The following CREB1 variants were observed in gnomAD, a reference collection of about 807,000 sequenced individuals.
CREB1 encodes cyclic AMP-responsive element-binding protein 1.
In CREB1, 2 loss-of-function variants were observed where a neutral mutation model predicts 42.0. That is an observed-to-expected ratio of 0.05 (90% CI 0.02 to 0.15). The LOEUF is 0.15. Ranked by LOEUF, CREB1 falls within the 10% of genes least tolerant of loss-of-function variation. The pLI, the probability that CREB1 is intolerant of heterozygous loss-of-function variation, is 1.00. For missense variants in CREB1, 199 were observed against 388.9 expected, an observed-to-expected ratio of 0.51 and a Z score of 4.11; for synonymous variants, 123 against 139.9, an observed-to-expected ratio of 0.88 and a Z score of 0.85.
intron 1 of CREB1, among the ~76,000 whole-genome samples, chr2:207,551,649 A>G (rs561541437): frequency 2.0e-5 from 3 of 152,294 alleles, no homozygotes; most frequent in East Asian, 3.9e-4. Context: ...ATGTATTAGT[A>G]TATAGTAAAA....
At chr2:207,569,049 A>G (rs1476222482) in intron 4 of CREB1, among the ~76,000 whole-genome samples, 1 of 151,876 alleles carries the variant, frequency 6.6e-6, no homozygotes, top group Non-Finnish European at 1.5e-5. Flanking sequence ...CTGTTTTCAT[A>G]TTTCCCTTTT....
intron 1 of CREB1, among the ~76,000 whole-genome samples, chr2:207,552,637 G>A (rs1315016331): frequency 8.0e-6 from 1 of 124,368 alleles, no homozygotes; most frequent in Non-Finnish European, 1.6e-5. Flanking sequence ...AGACAGTCTT[G>A]CTCTGTCACC....
intron 1 of CREB1, among the ~76,000 whole-genome samples, chr2:207,532,005 A>G (rs1013114266): frequency 2.0e-5 from 3 of 151,944 alleles, no homozygotes; most frequent in Non-Finnish European, 2.9e-5. Flanking sequence ...GTAGCTTACC[A>G]TTTTTCCTTT....
chr2:207,541,552 AC>A (rs1203718603), intron 1 of CREB1, among the ~76,000 whole-genome samples: 1 of 152,182 alleles, frequency 6.6e-6, no homozygotes, highest in East Asian at 1.9e-4. Context: ...AGTAGGCTAT[AC>A]CATCTAGGTT....
intron 5 of CREB1, among the ~76,000 whole-genome samples, chr2:207,572,421 T>C (rs1203847180): frequency 2.0e-5 from 3 of 152,156 alleles, no homozygotes; most frequent in African/African-American, 4.8e-5. Flanking sequence ...TCTTAACTTA[T>C]AAAATGAACA....
chr2:207,557,124 C>CCT (rs1421086782), intron 2 of CREB1, among the ~76,000 whole-genome samples: 12 of 151,512 alleles, frequency 7.9e-5, no homozygotes, highest in Non-Finnish European at 8.8e-5. Context: ...GGTGACAGAA[C>CCT]AAGATTCCCT....
chr2:207,594,764 A>G (rs1395687787), intron 7 of CREB1, among the ~76,000 whole-genome samples: 1 of 152,010 alleles, frequency 6.6e-6, no homozygotes, highest in Non-Finnish European at 1.5e-5. Flanking sequence ...CATATGGTAA[A>G]TTTTGTTCTT....
At chr2:207,538,702 T>C (rs1421425310) in intron 1 of CREB1, among the ~76,000 whole-genome samples, 2 of 152,200 alleles carry the variant, frequency 1.3e-5, no homozygotes, top group African/African-American at 2.4e-5. Flanking sequence ...TAAAATAGTT[T>C]AGGAGTAGAG....
chr2:207,538,335 G>T (rs756078586), intron 1 of CREB1, among the ~76,000 whole-genome samples: 4 of 152,110 alleles, frequency 2.6e-5, no homozygotes, highest in Admixed American at 6.5e-5. Context: ...TACATCTCCA[G>T]TGATGAAAAA....
At position 207,555,629 on chromosome 2, in the gene CREB1, T is replaced by C. The variant is rs772288583; in HGVS notation, c.-7T>C. 3 of 1,587,084 alleles carry C rather than the reference T, an allele frequency of 1.9e-6. No homozygotes were observed. Among genetic ancestry groups the C allele is most frequent in the African/African-American group, 2.7e-5 (2 of 74,184 alleles). On this transcript the variant is annotated splice_region_variant and 5_prime_UTR_variant, in exon 2 of 8. Coordinates refer to ENST00000353267, the MANE Select transcript of CREB1 (RefSeq NM_004379.5). ...TAACACTCTTCCATATTATTATAGG[T>C]AACTAAATGACCATGGAATCTGGAG...
intron 2 of CREB1, among the ~76,000 whole-genome samples, chr2:207,556,128 C>T (rs1012406191): frequency 1.3e-5 from 2 of 151,604 alleles, no homozygotes; most frequent in South Asian, 2.1e-4. Context: ...ATATGAAAGC[C>T]TAAGTTTATA....
chr2:207,535,845 A>G (rs1344403795), intron 1 of CREB1, among the ~76,000 whole-genome samples: 1 of 150,504 alleles, frequency 6.6e-6, no homozygotes, highest in Non-Finnish European at 1.5e-5. Flanking sequence ...TTTTTGAGGC[A>G]AGGTTTGGCT....
chr2:207,595,672 C>T (rs2086004640), intron 7 of CREB1, among the ~76,000 whole-genome samples: 1 of 152,158 alleles, frequency 6.6e-6, no homozygotes, highest in Admixed American at 6.5e-5. Flanking sequence ...TTAAGCAGTC[C>T]TCCCACCTCA....
At chr2:207,573,152 T>G (rs539939428) in intron 5 of CREB1, among the ~76,000 whole-genome samples, 1 of 152,358 alleles carries the variant, frequency 6.6e-6, no homozygotes, top group Admixed American at 6.5e-5. Context: ...TTAGTCTAGA[T>G]TTTCTTCTAC....
At chr2:207,562,203 A>G (rs960723382) in intron 3 of CREB1, among the ~76,000 whole-genome samples, 1 of 152,174 alleles carries the variant, frequency 6.6e-6, no homozygotes, top group African/African-American at 2.4e-5. Context: ...AGAAAACTTG[A>G]TTTGCTAGTG....
At chr2:207,587,391 T>G (rs1574955257) in intron 7 of CREB1, among the ~76,000 whole-genome samples, 3 of 124,028 alleles carry the variant, frequency 2.4e-5, no homozygotes, top group African/African-American at 9.2e-5. Context: ...AGACTCCATC[T>G]CAAAAAAAAA....
chr2:207,545,269 A>G (rs1170600994), intron 1 of CREB1, among the ~76,000 whole-genome samples: 1 of 152,090 alleles, frequency 6.6e-6, no homozygotes, highest in Non-Finnish European at 1.5e-5. Flanking sequence ...GTGCAGTGGC[A>G]TGATCTCGGC....
rs189155538 is a variant in CREB1, at chr2:207,531,674, G to A, written c.-9+1540G>A. The stretch of plus-strand genomic sequence containing the variant: ...TGATTTAAAAGTAAAGCCCCGAACA[G>A]TTATTTTAGGTGGTGCAAAAGACGA... On this transcript the variant is annotated intron_variant, in intron 1 of 7. Transcript: ENST00000353267. Among the ~76,000 whole-genome samples, 24 of 152,286 alleles carry A rather than the reference G, an allele frequency of 1.6e-4. No homozygotes were observed. In the East Asian group the frequency reaches 4.0e-3, roughly 26 times the overall value.
At chr2:207,554,767 CTG>C (rs758084680) in intron 1 of CREB1, among the ~76,000 whole-genome samples, 68 of 152,254 alleles carry the variant, frequency 4.5e-4, no homozygotes, top group Non-Finnish European at 7.9e-4. Context: ...AAAGATTTCT[CTG>C]TGTGTGGATG....
Sources: gnomAD v4.1 joint callset for allele counts (sites outside exome capture counted in the v4.1 genomes callset) on GRCh38, gnomAD v4.1.1 for gene constraint, MANE v1.5 for transcripts, NCBI Gene and HGNC (gene_info 2026-07-23, HGNC 2026-07-21) for gene names.